MYH15: variants seen among roughly 807,000 people sequenced by gnomAD.
MYH15 encodes myosin-15.
MYH15 carries 227 observed loss-of-function variants against 240.5 expected under a neutral mutation model. The ratio of observed to expected loss-of-function variants is 0.94; its 90% CI spans 0.85 to 1.05. MYH15 has a LOEUF of 1.05. Among genes scored for constraint, MYH15 ranks in the 50% least tolerant of loss-of-function variants. The pLI is 0.00. For missense variants in MYH15, 2,217 were observed against 2,247.5 expected, an observed-to-expected ratio of 0.99 and a Z score of 0.27; for synonymous variants, 785 against 796.7, an observed-to-expected ratio of 0.99 and a Z score of 0.25.
intron 11 of MYH15, among the ~76,000 whole-genome samples, chr3:108,481,577 G>A (rs1257633725): frequency 2.6e-5 from 4 of 152,164 alleles, no homozygotes; most frequent in Non-Finnish European, 5.9e-5. Context: ...GAGGGAGTAA[G>A]ACATGAGGAC....
intron 7 of MYH15, among the ~76,000 whole-genome samples, chr3:108,494,242 C>T (rs2083375066): frequency 6.6e-6 from 1 of 152,184 alleles, no homozygotes; most frequent in Admixed American, 6.5e-5. Flanking sequence ...CACAAACATA[C>T]ATGTATATAT....
intron 35 of MYH15, among the ~76,000 whole-genome samples, chr3:108,394,638 C>T (rs192067624): frequency 6.8e-4 from 104 of 152,270 alleles, no homozygotes; most frequent in African/African-American, 2.5e-3. Context: ...CCCTTCCTAT[C>T]TTACTTTACA....
intron 37 of MYH15, among the ~76,000 whole-genome samples, chr3:108,391,119 C>G (rs918500548): frequency 1.3e-5 from 2 of 152,098 alleles, no homozygotes; most frequent in Non-Finnish European, 2.9e-5. Flanking sequence ...AAAGGTGATA[C>G]CTTATTTTTT....
rs1424889834 is a variant in MYH15 at position 108,459,406 on chromosome 3, G to C, written c.1976C>G (p.Pro659Arg). The C allele has an allele frequency of 6.2e-7, 1 of 1,604,368 alleles. No homozygotes were observed. Among genetic ancestry groups the C allele is most frequent in the Admixed American group, 1.7e-5 (1 of 57,910 alleles). The change falls in exon 18 of 41, where the codon CCT becomes CGT. Residue 659 changes from proline to arginine, a missense_variant. Physicochemically the swap from Pro to Arg is moderately radical, Grantham distance 103 (BLOSUM62 -2). Transcript: ENST00000693548. The part of the protein sequence containing the change: ...KLMTNLKSTA[P>R]HFVRCINPNV... ...GGGATTTATGCATCTCACAAAATGA[G>C]GTGCTGTTGATTTCAGATTAGTCAT...
intron 18 of MYH15, 65 bp downstream of exon 18, chr3:108,459,297 A>T: frequency 1.0e-6 from 1 of 989,978 alleles, no homozygotes. Context: ...TCTTTAAAAG[A>T]TATTCAATAT....
chr3:108,391,762 T>C lies in MYH15; in HGVS notation c.5428A>G (p.Arg1810Gly). 6.2e-7 allele frequency: 1 copy of C among 1,613,350 alleles called. No individual in the cohort carries two copies. The highest frequency in any genetic ancestry group is 8.5e-7 in the Non-Finnish European group (1 of 1,179,692). The change falls in exon 37 of 41, where the codon AGG becomes GGG. Residue 1810 changes from arginine to glycine, a missense_variant and splice_region_variant. By Grantham distance (125) the Arg-to-Gly change is moderately radical (BLOSUM62 -2). Coordinates refer to ENST00000693548, the MANE Select transcript of MYH15 (RefSeq NM_014981.3). ...SRKQIQKLES[R>G]VRELEGELEG... ...CTCATGATTACCCAGACTCCTACCC[T>C]GGATTCTAGTTTCTGGATTTGCTTT...
At chr3:108,432,872 C>T (rs535286005) in intron 25 of MYH15, among the ~76,000 whole-genome samples, 25 of 152,230 alleles carry the variant, frequency 1.6e-4, no homozygotes, top group Admixed American at 7.2e-4. Context: ...GCTGCAGGAG[C>T]GGGGCCCTCA....
Position 108,518,693 on chromosome 3 carries a change from C to A in MYH15, c.-57-8106G>T, listed in dbSNP as rs561544370. ...GCACTCTCTGACCTCTGGGTGTTCA[C>A]ACGTCATGTGACCCCTGCCGGGAAC... On this transcript the variant is annotated intron_variant, in intron 1 of 41. Coordinates refer to the MYH15 transcript ENST00000273353. Among the ~76,000 whole-genome samples, 8 of 152,294 alleles carry A rather than the reference C, an allele frequency of 5.3e-5. 1 individual carries two copies. The highest frequency in any genetic ancestry group is 1.9e-4 in the African/African-American group (8 of 41,568).
rs150051049 is a variant in MYH15 at position 108,446,688 on chromosome 3, C to T, written c.2400-1793G>A. On this transcript the variant is annotated intron_variant, in intron 21 of 40. Coordinates refer to ENST00000693548, the MANE Select transcript of MYH15 (RefSeq NM_014981.3). ...GCACAAACAAACTGGACACCTGGAG[C>T]GGTTAGCAACAACGTCCTAAAATCT... is the stretch of plus-strand genomic sequence containing the variant. Among the ~76,000 whole-genome samples the T allele has an allele frequency of 1.1e-4, 16 of 152,246 alleles. 1 individual carries two copies. The East Asian group carries it at 1.7e-3, about 17-fold the overall frequency.
At chr3:108,437,050 G>C (rs2082844159) in intron 25 of MYH15, among the ~76,000 whole-genome samples, 1 of 151,934 alleles carries the variant, frequency 6.6e-6, no homozygotes. Flanking sequence ...CATTTTCATG[G>C]CTTGTTTTAG....
chr3:108,437,517 T>C (rs1452449434), intron 25 of MYH15, 37 bp downstream of exon 25: 1 of 1,596,112 alleles, frequency 6.3e-7, no homozygotes, highest in Non-Finnish European at 8.5e-7. Context: ...TAATATAAGG[T>C]CTCCAGCAAT....
intron 21 of MYH15, among the ~76,000 whole-genome samples, chr3:108,453,139 A>G (rs540935553): frequency 6.6e-6 from 1 of 152,294 alleles, no homozygotes; most frequent in South Asian, 2.1e-4. Flanking sequence ...AAAGTAAACT[A>G]TGGAGAAATT....
At chr3:108,522,453 G>A (rs867383065) in intron 1 of MYH15, among the ~76,000 whole-genome samples, 1 of 152,054 alleles carries the variant, frequency 6.6e-6, no homozygotes, top group African/African-American at 2.4e-5. Flanking sequence ...AAAGTAAGTG[G>A]TGTATTTTAA....
At chr3:108,398,422 G>A (rs1321813049) in intron 35 of MYH15, among the ~76,000 whole-genome samples, 2 of 152,200 alleles carry the variant, frequency 1.3e-5, no homozygotes, top group Non-Finnish European at 2.9e-5. Flanking sequence ...ATAAACTTCC[G>A]TTGCTTTACG....
At chr3:108,542,044 G>C in the MYH15 span, among the ~76,000 whole-genome samples, 1 of 152,184 alleles carries the variant, frequency 6.6e-6, no homozygotes, top group East Asian at 1.9e-4. Context: ...AGAGAGGGAT[G>C]AAAGGGAAAT....
chr3:108,517,091 CCTTTT>C (rs1475170132), intron 1 of MYH15, among the ~76,000 whole-genome samples: 1 of 152,206 alleles, frequency 6.6e-6, no homozygotes, highest in African/African-American at 2.4e-5. Context: ...GTCCCTTCTT[CCTTTT>C]CTTCTCTTTC....
intron 37 of MYH15, among the ~76,000 whole-genome samples, chr3:108,391,084 T>G (rs987547599): frequency 3.9e-5 from 6 of 152,210 alleles, no homozygotes; most frequent in Admixed American, 3.9e-4. Flanking sequence ...GGGTATTCCA[T>G]TGTATGGATA....
intron 37 of MYH15, among the ~76,000 whole-genome samples, 180 bp from the exon 38 acceptor site, chr3:108,389,254 T>A (rs747213861): frequency 6.6e-6 from 1 of 152,248 alleles, no homozygotes; most frequent in Non-Finnish European, 1.5e-5. Flanking sequence ...AGATCTTTTA[T>A]GGATTCATAA....
intron 14 of MYH15, among the ~76,000 whole-genome samples, chr3:108,468,180 G>A (rs2083138089): frequency 6.6e-6 from 1 of 152,062 alleles, no homozygotes; most frequent in Non-Finnish European, 1.5e-5. Flanking sequence ...TAGCCAGGCT[G>A]GTGTCAAACT....
Sources: allele counts gnomAD v4.1 joint callset (sites outside exome capture counted in the v4.1 genomes callset), GRCh38; gene constraint gnomAD v4.1.1; transcripts MANE v1.5; gene names NCBI Gene and HGNC (gene_info 2026-07-23, HGNC 2026-07-21).